The following DPP10 variants were observed in gnomAD, a reference collection of about 807,000 sequenced individuals.
The protein encoded by DPP10 is dipeptidyl peptidase like 10.
Under a neutral mutation model 120.9 loss-of-function variants are expected in DPP10, and 33 were observed. That is an observed-to-expected ratio of 0.27 (90% CI 0.21 to 0.37). The LOEUF (loss-of-function observed/expected upper bound fraction) is 0.37, where lower values mean the gene tolerates loss of function less well. Ranked by LOEUF, DPP10 falls within the 10% of genes least tolerant of loss-of-function variation. DPP10 has a pLI of 1.00. For synonymous variants in DPP10, 337 were observed against 326.1 expected, an observed-to-expected ratio of 1.03 and a Z score of -0.36; for missense variants, 816 against 942.8, an observed-to-expected ratio of 0.87 and a Z score of 1.76.
intron 1 of DPP10, among the ~76,000 whole-genome samples, chr2:115,006,033 A>G (rs980028744): frequency 5.9e-5 from 9 of 152,226 alleles, no homozygotes; most frequent in Non-Finnish European, 1.2e-4. Flanking sequence ...CAGAAACCCT[A>G]CAAGCCAGAA....
chr2:115,334,501 A>G (rs546307404), intron 2 of DPP10, among the ~76,000 whole-genome samples: 15 of 151,684 alleles, frequency 9.9e-5, no homozygotes, highest in African/African-American at 1.2e-4. Flanking sequence ...TATTTTTCCA[A>G]TTTATATTTT....
chr2:114,828,108 A>G (rs2106383695), intron 1 of DPP10, among the ~76,000 whole-genome samples: 1 of 152,256 alleles, frequency 6.6e-6, no homozygotes, highest in East Asian at 1.9e-4. Flanking sequence ...CTATTTTTGA[A>G]AAGAGTGGCA....
chr2:114,525,861 C>G (rs1012094331), intron 1 of DPP10, among the ~76,000 whole-genome samples: 3 of 152,144 alleles, frequency 2.0e-5, no homozygotes, highest in Non-Finnish European at 4.4e-5. Context: ...CTTTAGCATC[C>G]TACCTTTACC....
chr2:114,613,772 G>A (rs1693462552), intron 1 of DPP10, among the ~76,000 whole-genome samples: 1 of 152,150 alleles, frequency 6.6e-6, no homozygotes, highest in African/African-American at 2.4e-5. Flanking sequence ...TATACACCAT[G>A]GAATACTATG....
intron 5 of DPP10, among the ~76,000 whole-genome samples, chr2:115,533,654 A>T (rs998581465): frequency 2.0e-5 from 3 of 152,050 alleles, no homozygotes; most frequent in African/African-American, 4.8e-5. Flanking sequence ...TGGTTATAGA[A>T]TTATCTAGGC....
chr2:115,215,456 A>T (rs921624499), intron 1 of DPP10, among the ~76,000 whole-genome samples: 2 of 152,212 alleles, frequency 1.3e-5, no homozygotes, highest in Non-Finnish European at 2.9e-5. Flanking sequence ...TAAATAGGCC[A>T]CATGTCTAGT....
At chr2:114,765,114 C>T (rs568542323) in intron 1 of DPP10, among the ~76,000 whole-genome samples, 2 of 152,128 alleles carry the variant, frequency 1.3e-5, no homozygotes, top group South Asian at 2.1e-4. Context: ...TAACATGGCA[C>T]ATTTTCATTT....
chr2:115,371,227 AT>A (rs1182753969), intron 3 of DPP10, among the ~76,000 whole-genome samples: 1 of 152,070 alleles, frequency 6.6e-6, no homozygotes, highest in Admixed American at 6.6e-5. Context: ...TAAATTTTAC[AT>A]TTTGATTTTC....
At position 114,464,682 on chromosome 2, in the gene DPP10, C is replaced by T. The variant is rs144186747; in HGVS notation, c.60+21844C>T. ...TGTTCCACTTACTGTTAGAGCAAAT[C>T]GTATTAATTTCTGTTGCCCTAAATA... On this transcript the variant is annotated intron_variant, in intron 1 of 25. Coordinates refer to ENST00000410059, the MANE Select transcript of DPP10 (RefSeq NM_020868.6). Among the ~76,000 whole-genome samples, 8 of 152,192 alleles carry T rather than the reference C, an allele frequency of 5.3e-5. No individual in the cohort carries two copies. In the East Asian group the frequency reaches 7.7e-4, roughly 15 times the overall value.
intron 5 of DPP10, among the ~76,000 whole-genome samples, chr2:115,598,813 C>CT (rs11458817): frequency 0.98 from 139,348 of 141,760 alleles, 68,506 homozygotes; most frequent in South Asian, 1. Context: ...GCCTGAAGAG[C>CT]TTTTTTTTTT....
intron 7 of DPP10, among the ~76,000 whole-genome samples, chr2:115,692,784 T>G (rs2091387256): frequency 6.6e-6 from 1 of 152,142 alleles, no homozygotes; most frequent in Non-Finnish European, 1.5e-5. Context: ...AAAATGACTA[T>G]TTTTCATAAT....
In DPP10 at chr2:115,836,234, T is replaced by C. The variant is rs1412498719; in HGVS notation, c.2028T>C (p.Pro676=). Residue 676 remains proline, a synonymous_variant, in exon 22 of 26, where the codon CCT becomes CCC. Transcript: ENST00000410059. Reference sequence around the variant, plus strand: ...TTAAATGTGGATCCGTGGTTGCACCTATCACAGACTTGAAATTGTATGGTG... The same window carrying C: ...TTAAATGTGGATCCGTGGTTGCACCCATCACAGACTTGAAATTGTATGGTG... The part of the protein sequence containing the change: ...KLFKCGSVVA[P]ITDLKLYASA... The C allele has an allele frequency of 6.2e-7, 1 of 1,608,574 alleles. No homozygotes were observed. Among genetic ancestry groups the C allele is most frequent in the Non-Finnish European group, 8.5e-7 (1 of 1,178,320 alleles).
At chr2:115,185,211 G>T (rs933716833) in intron 1 of DPP10, among the ~76,000 whole-genome samples, 1 of 150,014 alleles carries the variant, frequency 6.7e-6, no homozygotes. Flanking sequence ...TATTTCAGGG[G>T]TTCGCTTTTA....
intron 3 of DPP10, among the ~76,000 whole-genome samples, chr2:115,483,747 T>C (rs1172299134): frequency 6.6e-6 from 1 of 152,114 alleles, no homozygotes; most frequent in Admixed American, 6.6e-5. Flanking sequence ...GCAGACTTAC[T>C]TGTAAATTCC....
rs145024864 is a variant in DPP10 at position 114,878,287 on chromosome 2, A to T, written c.61-430952A>T. ...ATTATACACTCATGTTTTTTAATAG[A>T]TTCATTTATATTTTATTGATACATA... is the stretch of plus-strand genomic sequence containing the variant. On this transcript the variant is annotated intron_variant, in intron 1 of 25. Coordinates refer to ENST00000410059, the MANE Select transcript of DPP10 (RefSeq NM_020868.6). Among the ~76,000 whole-genome samples, 331 of 152,156 alleles carry T rather than the reference A, an allele frequency of 2.2e-3. 4 individuals carry two copies. The highest frequency in any genetic ancestry group is 7.6e-3 in the African/African-American group (315 of 41,538).
chr2:115,098,147 C>T (rs377651844), intron 1 of DPP10, among the ~76,000 whole-genome samples: 10 of 152,140 alleles, frequency 6.6e-5, no homozygotes, highest in Admixed American at 3.9e-4. Context: ...TGGGTGCACA[C>T]GCATGGTTGT....
At chr2:114,853,794 G>C (rs1689160477) in intron 1 of DPP10, among the ~76,000 whole-genome samples, 2 of 152,138 alleles carry the variant, frequency 1.3e-5, no homozygotes, top group African/African-American at 2.4e-5. Flanking sequence ...ACATGGTGAG[G>C]TACTGAGTCC....
At chr2:115,372,071 T>G (rs2065447591) in intron 3 of DPP10, among the ~76,000 whole-genome samples, 1 of 152,142 alleles carries the variant, frequency 6.6e-6, no homozygotes, top group South Asian at 2.1e-4. Flanking sequence ...TCTTAAATAT[T>G]CATGTATTAA....
rs1430559033 is a variant in DPP10, at chr2:114,628,655, G to GT, written c.60+185824dup. Among the ~76,000 whole-genome samples the GT allele has an allele frequency of 4.6e-5, 7 of 151,976 alleles. No homozygotes were observed. In the East Asian group the frequency reaches 1.3e-3, roughly 29 times the overall value. ...TCTTGAACTCTCCAACCCAACTGAAGTTTTTTTCTTGAGATAAACTGCACA... is the reference window on the plus strand; with the variant it reads ...TCTTGAACTCTCCAACCCAACTGAAGTTTTTTTTCTTGAGATAAACTGCACA... On this transcript the variant is annotated intron_variant, in intron 1 of 25. Transcript: ENST00000410059.
Sources: allele counts gnomAD v4.1 joint callset (sites outside exome capture counted in the v4.1 genomes callset), GRCh38; gene constraint gnomAD v4.1.1; transcripts MANE v1.5; gene names NCBI Gene and HGNC (gene_info 2026-07-23, HGNC 2026-07-21).